Variants in RSRC2 observed in about 807,000 individuals in gnomAD.
RSRC2 encodes arginine and serine rich coiled-coil 2.
Under a neutral mutation model 61.3 loss-of-function variants are expected in RSRC2, and 5 were observed. The observed-to-expected ratio is 0.08, with a 90% CI of 0.04 to 0.17. The LOEUF (loss-of-function observed/expected upper bound fraction) is 0.17. Ranked by LOEUF, RSRC2 falls within the 10% of genes least tolerant of loss-of-function variation. RSRC2 has a pLI of 1.00. For missense variants in RSRC2, 381 were observed against 518.8 expected, an observed-to-expected ratio of 0.73 and a Z score of 2.58; for synonymous variants, 202 against 166.5, an observed-to-expected ratio of 1.21 and a Z score of -1.64.
chr12:122,504,800 A>G lies in RSRC2; in HGVS notation c.*727T>C, dbSNP rs1958020452. 6.5e-6 allele frequency: 1 copy of G among 152,676 alleles called. No homozygotes were observed. The highest frequency in any genetic ancestry group is 2.4e-5 in the African/African-American group (1 of 41,466). 9.5% of individuals were successfully genotyped at this position (152,676 alleles called of 1,614,324 possible). On this transcript the variant is annotated 3_prime_UTR_variant, in exon 10 of 10. Transcript: ENST00000331738. ...CATTAATCTATCTCCTGAATAACAC[A>G]TGTAATATTTGACAAATACTGAATA...
At chr12:122,514,779 A>G in intron 6 of RSRC2, 2 of 1,030,818 alleles carry the variant, frequency 1.9e-6, no homozygotes, top group African/African-American at 1.7e-5. Context: ...CTTAGATGAG[A>G]AAATAATAGT....
intron 5 of RSRC2, 139 bp downstream of exon 5, chr12:122,517,088 G>A (rs1188828664): frequency 2.5e-5 from 31 of 1,220,578 alleles, no homozygotes; most frequent in Middle Eastern, 2.8e-4. Flanking sequence ...TTCTTCATAC[G>A]TTAGGTAATG....
chr12:122,507,110 C>T (rs1958161271), intron 8 of RSRC2, 187 bp from the exon 9 acceptor site: 1 of 609,168 alleles, frequency 1.6e-6, no homozygotes, highest in Non-Finnish European at 2.9e-6. Flanking sequence ...TGGCGCCGTG[C>T]TTCACTCCTA....
chr12:122,505,396 ATT>A lies in RSRC2; in HGVS notation c.*129_*130del. 1 of 799,370 alleles carries A rather than the reference ATT, an allele frequency of 1.3e-6. No homozygotes were observed. Among genetic ancestry groups the A allele is most frequent in the African/African-American group, 1.7e-5 (1 of 57,618 alleles). The allele number at this position is 799,370 out of a possible 1,614,324, so 49.5% of individuals were successfully genotyped here. ...TATCACTGATCTGATATTTACAAAA[ATT>A]TGTATTTTTCAATAAATTAAAGTCA... On this transcript the variant is annotated 3_prime_UTR_variant, in exon 10 of 10. Transcript: ENST00000331738.
chr12:122,505,732 AATGAATTCAG>A (rs1204517691), intron 9 of RSRC2, 26 bp from the exon 10 acceptor site: 4 of 1,582,698 alleles, frequency 2.5e-6, no homozygotes, highest in Non-Finnish European at 3.5e-6. Flanking sequence ...AAAACATTAC[AATGAATTCAG>A]ATGGAGATAA....
rs1958054624 is a variant in RSRC2 at position 122,505,424 on chromosome 12, A to G, written c.*103T>C. ...TGTATTTTTCAATAAATTAAAGTCA[A>G]TGCAACACCCATGCAAGCTAGAGTG... On this transcript the variant is annotated 3_prime_UTR_variant, in exon 10 of 10. Coordinates refer to ENST00000331738, the MANE Select transcript of RSRC2 (RefSeq NM_023012.6). The G allele has an allele frequency of 9.4e-7, 1 of 1,060,616 alleles. No individual in the cohort carries two copies. Among genetic ancestry groups the G allele is most frequent in the East Asian group, 2.4e-5 (1 of 41,840 alleles). The allele number at this position is 1,060,616 out of a possible 1,614,324, so 65.7% of individuals were successfully genotyped here. A position where few individuals can be genotyped will look rare whatever the true frequency, so the allele number is the denominator to read the frequency against.
intron 7 of RSRC2, 125 bp downstream of exon 7, chr12:122,510,984 G>A (rs2137446223): frequency 6.1e-6 from 4 of 654,750 alleles, no homozygotes; most frequent in Middle Eastern, 2.6e-4. Context: ...GGGAGTTTGA[G>A]GCTACCATGC....
At chr12:122,511,213 T>C (rs928799534) in intron 6 of RSRC2, 25 bp from the exon 7 acceptor site, 2 of 1,525,132 alleles carry the variant, frequency 1.3e-6, no homozygotes, top group Non-Finnish European at 1.8e-6. Context: ...TCAATGAATT[T>C]AAAATAACAC....
chr12:122,526,729 G>T (rs1360645675), intron 1 of RSRC2, 119 bp downstream of exon 1: 1 of 1,185,242 alleles, frequency 8.4e-7, no homozygotes, highest in African/African-American at 1.5e-5. Flanking sequence ...CGCAGAAGAA[G>T]GCCGCGGCGC....
At chr12:122,520,666 T>C in intron 3 of RSRC2, 2 of 932,056 alleles carry the variant, frequency 2.1e-6, no homozygotes, top group African/African-American at 3.4e-5. Flanking sequence ...ATTAAAAATT[T>C]AACAGAGCTT....
At chr12:122,515,362 T>A (rs967364447) in intron 5 of RSRC2, 135 bp from the exon 6 acceptor site, 6 of 826,706 alleles carry the variant, frequency 7.3e-6, no homozygotes, top group Admixed American at 5.4e-5. Context: ...ATTTAAAACA[T>A]CAGTGTTACA....
intron 1 of RSRC2, among the ~76,000 whole-genome samples, chr12:122,526,530 A>T (rs944527787): frequency 3.3e-5 from 5 of 152,156 alleles, no homozygotes; most frequent in Non-Finnish European, 7.3e-5. Flanking sequence ...CCCTAAAAAA[A>T]ACTTAGAATA....
intron 9 of RSRC2, 189 bp downstream of exon 9, chr12:122,506,645 G>GGGA (rs1259257511): frequency 5.4e-6 from 3 of 552,456 alleles, no homozygotes; most frequent in African/African-American, 1.9e-5. Flanking sequence ...TGTGTGTGTA[G>GGGA]GGAGGACAGT....
intron 5 of RSRC2, among the ~76,000 whole-genome samples, chr12:122,516,867 A>C (rs1195513363): frequency 1.3e-5 from 2 of 151,996 alleles, no homozygotes; most frequent in Non-Finnish European, 1.5e-5. Context: ...TAATTTTCAT[A>C]TCTTTTGTAG....
At position 122,508,463 on chromosome 12, in the gene RSRC2, A is replaced by T; in HGVS notation, c.806-16T>A. 1.3e-6 allele frequency: 2 copies of T among 1,587,256 alleles called. No homozygotes were observed. The highest frequency in any genetic ancestry group is 1.7e-4 in the Middle Eastern group (1 of 5,934). On this transcript the variant is annotated splice_polypyrimidine_tract_variant and intron_variant, in intron 7 of 9. Transcript: ENST00000331738. ...GTAGCTGCAGCTGCTTGAAGAGAAT[A>T]CAAAAATGGATTTTAAAACGATTTT...
Position 122,517,306 on chromosome 12 carries a change from G to A in RSRC2, c.523C>T (p.Arg175Trp). ...CTTGAGCGGGAACGAGACCTGATCC[G>A]CCGTTTTCTTTCCCTGCTTCTGGAT... ...SRSRSRERKRRIRSRSRSRSR... is the reference protein window; with the variant it reads ...SRSRSRERKRWIRSRSRSRSR... The change falls in exon 5 of 10, where the codon CGG (arginine) becomes TGG (tryptophan). Residue 175 changes from arginine (R) to tryptophan (W), a missense_variant. Coordinates refer to ENST00000331738, the MANE Select transcript of RSRC2 (RefSeq NM_023012.6). 2.5e-6 allele frequency: 4 copies of A among 1,613,956 alleles called. No homozygotes were observed. The highest frequency in any genetic ancestry group is 4.5e-5 in the East Asian group (2 of 44,866).
At chr12:122,524,977 A>G (rs1467455157) in intron 1 of RSRC2, among the ~76,000 whole-genome samples, 1 of 152,156 alleles carries the variant, frequency 6.6e-6, no homozygotes, top group African/African-American at 2.4e-5. Flanking sequence ...TTCCACTGCG[A>G]AGGAGGTAAG....
chr12:122,516,474 G>A (rs1375877138), intron 5 of RSRC2, among the ~76,000 whole-genome samples: 1 of 152,090 alleles, frequency 6.6e-6, no homozygotes, highest in Non-Finnish European at 1.5e-5. Context: ...ACCTGCTCCT[G>A]GCTCTAGCAC....
Position 122,515,161 on chromosome 12 carries a change from T to C in RSRC2, c.669A>G (p.Pro223=), listed in dbSNP as rs767824570. The part of the protein sequence containing the change: ...FSRSLSRTPS[P]PPFRGRNTAM... The stretch of plus-strand genomic sequence containing the variant: ...CTGTGTTTCTGCCTCTGAAGGGAGG[T>C]GGACTTGGAGTCCGGCTTAAACTTC... The change falls in exon 6 of 10, where the codon CCA becomes CCG. Residue 223 remains proline, a synonymous_variant. Transcript: ENST00000331738. 1.2e-6 allele frequency: 2 copies of C among 1,614,088 alleles called. No individual in the cohort carries two copies. Among genetic ancestry groups the C allele is most frequent in the Non-Finnish European group, 1.7e-6 (2 of 1,179,928 alleles).
Sources: allele counts gnomAD v4.1 joint callset (sites outside exome capture counted in the v4.1 genomes callset), GRCh38; gene constraint gnomAD v4.1.1; transcripts MANE v1.5; gene names NCBI Gene and HGNC (gene_info 2026-07-23, HGNC 2026-07-21).